The following PCDHA2 variants were observed in gnomAD, a reference collection of about 807,000 sequenced individuals.
The protein encoded by PCDHA2 is protocadherin alpha-2.
A neutral mutation model predicts 66.0 loss-of-function variants in PCDHA2; 58 were observed. That is an observed-to-expected ratio of 0.88 (90% CI 0.71 to 1.09). PCDHA2 has a LOEUF of 1.09. Among genes scored for constraint, PCDHA2 ranks in the 50% least tolerant of loss-of-function variants. The pLI, the probability that PCDHA2 is intolerant of heterozygous loss-of-function variation, is 0.00. For missense variants in PCDHA2, 1,267 were observed against 1,242.3 expected (o/e 1.02, Z -0.30); for synonymous variants, 634 against 554.0 (o/e 1.14, Z -2.03).
intron 1 of PCDHA2, chr5:140,856,511 G>A (rs1554148790): frequency 6.3e-7 from 1 of 1,598,478 alleles, no homozygotes; most frequent in Non-Finnish European, 8.6e-7. Context: ...TCCACTAGAA[G>A]GCGCATCTGA....
chr5:140,835,862 G>C (rs1275632045), intron 1 of PCDHA2: 3 of 1,611,998 alleles, frequency 1.9e-6, no homozygotes, highest in East Asian at 4.5e-5. Context: ...TGTCCTACTC[G>C]CTGGTGGAGC....
chr5:140,888,047 G>C (rs1246901863), intron 1 of PCDHA2, among the ~76,000 whole-genome samples: 12 of 152,092 alleles, frequency 7.9e-5, no homozygotes, highest in African/African-American at 2.9e-4. Flanking sequence ...ATGTATAATA[G>C]ATGTTTTAAC....
intron 1 of PCDHA2, among the ~76,000 whole-genome samples, chr5:140,957,549 C>T (rs563057107): frequency 6.6e-6 from 1 of 152,038 alleles, no homozygotes; most frequent in South Asian, 2.1e-4. Flanking sequence ...AAAGTATTCT[C>T]TGTGGAAAAG....
At chr5:140,979,318 T>C (rs2096844474) in intron 2 of PCDHA2, among the ~76,000 whole-genome samples, 1 of 152,196 alleles carries the variant, frequency 6.6e-6, no homozygotes, top group Non-Finnish European at 1.5e-5. Context: ...CTACCTATGC[T>C]TTCTTTTCCT....
chr5:140,841,020 C>T (rs186269491), intron 1 of PCDHA2, among the ~76,000 whole-genome samples: 2 of 151,914 alleles, frequency 1.3e-5, no homozygotes, highest in African/African-American at 4.8e-5. Flanking sequence ...AGTATGAATG[C>T]CTCTGCAATT....
intron 3 of PCDHA2, among the ~76,000 whole-genome samples, chr5:140,983,854 T>C (rs1554245766): frequency 6.6e-6 from 1 of 152,206 alleles, no homozygotes; most frequent in Admixed American, 6.5e-5. Flanking sequence ...TTAAGTAACA[T>C]GCAGCTAAGG....
chr5:140,835,125 A>G, intron 1 of PCDHA2: 1 of 1,331,534 alleles, frequency 7.5e-7, no homozygotes, highest in South Asian at 1.4e-5. Flanking sequence ...AACCCTGTAT[A>G]CGGTGAAATT....
At chr5:141,005,868 G>T (rs1428789229) in intron 3 of PCDHA2, among the ~76,000 whole-genome samples, 1 of 152,078 alleles carries the variant, frequency 6.6e-6, no homozygotes, top group African/African-American at 2.4e-5. Flanking sequence ...GGTCGATTGA[G>T]TCCAGGAGTT....
chr5:140,948,107 C>T (rs1156492592), intron 1 of PCDHA2, among the ~76,000 whole-genome samples: 3 of 151,432 alleles, frequency 2.0e-5, no homozygotes, highest in Middle Eastern at 3.2e-3. Flanking sequence ...GATTTTTCTT[C>T]GTTTTACTAA....
chr5:140,955,397 A>G (rs1470827673), intron 1 of PCDHA2, among the ~76,000 whole-genome samples: 1 of 152,130 alleles, frequency 6.6e-6, no homozygotes, highest in Non-Finnish European at 1.5e-5. Context: ...CAATTATCCC[A>G]TACAGTTCTC....
At chr5:140,825,100 A>G (rs2150072551) in intron 1 of PCDHA2, 1 of 151,878 alleles carries the variant, frequency 6.6e-6, no homozygotes, top group South Asian at 2.1e-4. Flanking sequence ...GATTTTTTTC[A>G]TATACAAATA....
intron 1 of PCDHA2, among the ~76,000 whole-genome samples, chr5:140,805,828 T>G (rs1763635643): frequency 6.6e-6 from 1 of 152,164 alleles, no homozygotes. Context: ...AACACCACAT[T>G]TTCCCAACTA....
rs2150355650 is a variant in PCDHA2 at position 140,843,239 on chromosome 5, G to A, written c.2388+45887G>A. 1.4e-4 allele frequency: 219 copies of A among 1,595,896 alleles called. 23 individuals carry two copies. Among genetic ancestry groups the A allele is most frequent in the Non-Finnish European group, 1.8e-4 (209 of 1,165,556 alleles). On this transcript the variant is annotated intron_variant, in intron 1 of 3. Coordinates refer to ENST00000526136, the MANE Select transcript of PCDHA2 (RefSeq NM_018905.3). ...CAGCACCACTCGTGTCCTGGACGAA[G>A]CGGACTCTCCGCGCCACCGTCTGCT... is the stretch of plus-strand genomic sequence containing the variant.
intron 1 of PCDHA2, chr5:140,871,317 G>A: frequency 6.2e-7 from 1 of 1,614,080 alleles, no homozygotes; most frequent in Non-Finnish European, 8.5e-7. Flanking sequence ...AGCCCACGCT[G>A]GTGTGCTCCC....
intron 3 of PCDHA2, among the ~76,000 whole-genome samples, chr5:140,985,246 T>C (rs2097143888): frequency 6.6e-6 from 1 of 152,110 alleles, no homozygotes; most frequent in African/African-American, 2.4e-5. Flanking sequence ...CTAATCTTCT[T>C]ACTCTTTTTT....
intron 1 of PCDHA2, among the ~76,000 whole-genome samples, chr5:140,833,509 G>A (rs2150209186): frequency 1.1e-3 from 173 of 152,196 alleles, no homozygotes; most frequent in African/African-American, 4.1e-3. Context: ...GTAAAAATAG[G>A]CATATATTCA....
intron 1 of PCDHA2, chr5:140,876,448 G>C (rs2056350590): frequency 1.2e-6 from 2 of 1,614,008 alleles, no homozygotes; most frequent in East Asian, 4.5e-5. Flanking sequence ...CATTGATAAA[G>C]GGATTCCTTC....
chr5:140,853,773 G>T lies in PCDHA2; in HGVS notation c.2388+56421G>T, dbSNP rs1314625859. The T allele has an allele frequency of 6.1e-6, 6 of 987,764 alleles. No homozygotes were observed. The African/African-American group carries it at 1.1e-4, about 17-fold the overall frequency. 61.2% of individuals were successfully genotyped at this position (987,764 alleles called of 1,614,324 possible). On this transcript the variant is annotated intron_variant, in intron 1 of 3. Transcript: ENST00000526136. ...GGCTCCACCTCAGAAATTCTGAAAT[G>T]GGTAGTAAGAGCAAATTTTCATTTT...
intron 3 of PCDHA2, among the ~76,000 whole-genome samples, chr5:140,992,118 G>C (rs1554252679): frequency 1.3e-5 from 2 of 151,650 alleles, no homozygotes; most frequent in Non-Finnish European, 2.9e-5. Flanking sequence ...ATGTGTCATG[G>C]AAGAACAGTG....
Sources: gnomAD v4.1 joint callset for allele counts (sites outside exome capture counted in the v4.1 genomes callset) on GRCh38, gnomAD v4.1.1 for gene constraint, MANE v1.5 for transcripts, NCBI Gene and HGNC (gene_info 2026-07-23, HGNC 2026-07-21) for gene names.